The following RASGRF1 variants were observed in gnomAD, a reference collection of about 807,000 sequenced individuals.
RASGRF1 encodes ras-specific guanine nucleotide-releasing factor 1.
Under a neutral mutation model 138.7 loss-of-function variants are expected in RASGRF1, and 40 were observed. The observed-to-expected ratio is 0.29, with a 90% CI of 0.22 to 0.38. The LOEUF is 0.38. RASGRF1 is among the 10% of genes least tolerant of loss of function. RASGRF1 has a pLI of 1.00. For synonymous variants in RASGRF1, 614 were observed against 663.2 expected (o/e 0.93, Z 1.14); for missense variants, 1,108 against 1,650.4 (o/e 0.67, Z 5.69).
intron 4 of RASGRF1, among the ~76,000 whole-genome samples, chr15:79,048,950 C>T (rs556716554): frequency 1.3e-5 from 2 of 152,352 alleles, no homozygotes; most frequent in East Asian, 3.9e-4. Flanking sequence ...TGGTATGTCA[C>T]TACCTGGCCA....
intron 4 of RASGRF1, among the ~76,000 whole-genome samples, chr15:79,048,218 G>C (rs1235725504): frequency 6.6e-6 from 1 of 152,194 alleles, no homozygotes; most frequent in African/African-American, 2.4e-5. Flanking sequence ...CCCAATGCCT[G>C]TGGGGCCCTG....
At chr15:78,999,972 A>G in intron 16 of RASGRF1, 59 bp from the exon 17 acceptor site, 2 of 1,564,820 alleles carry the variant, frequency 1.3e-6, no homozygotes, top group Admixed American at 1.7e-5. Context: ...TCAGGCTGTT[A>G]GAAAACCAGG....
At chr15:79,074,590 G>A (rs1027841128) in intron 1 of RASGRF1, among the ~76,000 whole-genome samples, 3 of 152,170 alleles carry the variant, frequency 2.0e-5, no homozygotes, top group Admixed American at 1.3e-4. Context: ...CCCTTATCGT[G>A]AGCCTCACTA....
chr15:79,089,950 C>T (rs568585586), intron 1 of RASGRF1, among the ~76,000 whole-genome samples: 15 of 152,318 alleles, frequency 9.8e-5, no homozygotes, highest in African/African-American at 2.6e-4. Flanking sequence ...CTCCAGGTGT[C>T]GGCCCCTCTG....
At chr15:78,994,924 ACCTT>A (rs1567472019) in intron 20 of RASGRF1, among the ~76,000 whole-genome samples, 7 of 131,196 alleles carry the variant, frequency 5.3e-5, no homozygotes, top group Admixed American at 7.6e-5. Flanking sequence ...CCCTTCCAGC[ACCTT>A]TTTTTTTTTT....
chr15:78,987,335 A>T (rs1567456035), intron 22 of RASGRF1, among the ~76,000 whole-genome samples: 1 of 3,980 alleles, frequency 2.5e-4, no homozygotes, highest in Admixed American at 8.5e-3. Flanking sequence ...AAGATAATTA[A>T]AAAAAAAAAC....
Position 79,035,164 on chromosome 15 carries a change from C to T in RASGRF1, c.925G>A (p.Ala309Thr). ...LHQIFYQGLK[A>T]RISSWPTLVL... is the part of the protein sequence containing the mutation. ...AGCGTGGGCCAGCTGGAGATGCGGG[C>T]CTTCAGGCCTTGGTAAAAGATCTGA... The change falls in exon 6 of 27, where the codon GCC (alanine) becomes ACC (threonine). Residue 309 changes from alanine to threonine, a missense_variant. Ala to Thr is a moderately conservative substitution (Grantham distance 58). Around this residue, in one of 3 missense-constraint regions of RASGRF1, gnomAD observed 169 missense variants for 344.2 expected, o/e 0.49. Coordinates refer to ENST00000558480, the MANE Select transcript of RASGRF1 (RefSeq NM_001145648.3). The T allele has an allele frequency of 6.2e-7, 1 of 1,613,866 alleles. No homozygotes were observed. The highest frequency in any genetic ancestry group is 8.5e-7 in the Non-Finnish European group (1 of 1,179,874).
rs188640003 is a variant in RASGRF1 at position 79,016,144 on chromosome 15, T to C, written c.1744-735A>G. On this transcript the variant is annotated intron_variant, in intron 12 of 26. Transcript: ENST00000558480. ...GCCCTGGGTCTTCACATTTCTGCCATGAGAGGGTTTCTTCTTGGCATAGCG... is the reference window on the plus strand; with the variant it reads ...GCCCTGGGTCTTCACATTTCTGCCACGAGAGGGTTTCTTCTTGGCATAGCG... Among the ~76,000 whole-genome samples, 724 of 152,292 alleles carry C rather than the reference T, an allele frequency of 4.8e-3. 5 individuals are homozygous for C. The highest frequency in any genetic ancestry group is 0.017 in the African/African-American group (706 of 41,560).
chr15:79,090,105 G>C (rs148811711), intron 1 of RASGRF1, 118 bp downstream of exon 1: 87 of 1,343,438 alleles, frequency 6.5e-5, no homozygotes, highest in Non-Finnish European at 7.1e-5. Context: ...TGCAGAGAGC[G>C]CCTAGGGCGC....
At chr15:79,081,156 G>A (rs1027064557) in intron 1 of RASGRF1, among the ~76,000 whole-genome samples, 1 of 152,218 alleles carries the variant, frequency 6.6e-6, no homozygotes, top group Non-Finnish European at 1.5e-5. Flanking sequence ...TCCCACTGCC[G>A]CCCCAAACCC....
rs904593154 is a variant in RASGRF1, at chr15:79,078,262, C to T, written c.276+11961G>A. Among the ~76,000 whole-genome samples, 7 of 152,234 alleles carry T rather than the reference C, an allele frequency of 4.6e-5. No individual in the cohort carries two copies. The East Asian group carries it at 1.4e-3, about 30-fold the overall frequency. On this transcript the variant is annotated intron_variant, in intron 1 of 26. Transcript: ENST00000558480. ...AGGCCCCCCCGGCCCCACCCAGATC[C>T]TCCAGCTCCCTTTTCCATCTCCTTC... is the stretch of plus-strand genomic sequence containing the variant.
In RASGRF1 at chr15:79,052,721, G is replaced by A. The variant is rs539407850; in HGVS notation, c.532-3133C>T. Reference sequence around the variant, plus strand: ...AACAGGAGTCCAACAGTTGGTATATGTGGGGGAAGGAATTCAAATAGAAGG... The same window carrying A: ...AACAGGAGTCCAACAGTTGGTATATATGGGGGAAGGAATTCAAATAGAAGG... On this transcript the variant is annotated intron_variant, in intron 3 of 26. Transcript: ENST00000558480. Among the ~76,000 whole-genome samples the A allele has an allele frequency of 7.9e-5, 12 of 152,340 alleles. No homozygotes were observed. The South Asian group carries it at 1.9e-3, about 24-fold the overall frequency.
chr15:79,057,405 C>T (rs953561366), intron 3 of RASGRF1, among the ~76,000 whole-genome samples: 6 of 152,260 alleles, frequency 3.9e-5, no homozygotes, highest in African/African-American at 1.2e-4. Context: ...AGAATGACTT[C>T]CCTGGCCTGG....
At chr15:79,000,127 T>A (rs748166989) in intron 16 of RASGRF1, among the ~76,000 whole-genome samples, 3 of 152,104 alleles carry the variant, frequency 2.0e-5, no homozygotes, top group East Asian at 1.9e-4. Flanking sequence ...CTCAGGGCTG[T>A]CCCAGGTTGG....
At position 78,998,788 on chromosome 15, in the gene RASGRF1, A is replaced by G; in HGVS notation, c.2784T>C (p.Phe928=). The change falls in exon 18 of 27, where the codon TTT becomes TTC. Residue 928 remains phenylalanine (F), a synonymous_variant. Transcript: ENST00000558480. ...GATTGGTGGCTGCTCTGCGGATCAC[A>G]AACTCCTTGTCTCCATTCCTCTGGT... ...PPDQRNGDKE[F]VIRRAATNRV... 1 of 1,614,132 alleles carries G rather than the reference A, an allele frequency of 6.2e-7. No individual in the cohort carries two copies. The highest frequency in any genetic ancestry group is 1.1e-5 in the South Asian group (1 of 91,082).
chr15:78,999,669 G>A (rs1260095997), intron 17 of RASGRF1, 74 bp downstream of exon 17: 1 of 1,537,408 alleles, frequency 6.5e-7, no homozygotes, highest in Non-Finnish European at 8.9e-7. Flanking sequence ...AAGTCCCCGG[G>A]ACCATGGCTG....
chr15:78,982,974 G>A (rs940438950), intron 23 of RASGRF1, among the ~76,000 whole-genome samples: 9 of 152,290 alleles, frequency 5.9e-5, no homozygotes, highest in Non-Finnish European at 8.8e-5. Context: ...ACTGCCTGAC[G>A]CTTGCCAGGG....
rs772150765 is a variant in RASGRF1, at chr15:79,004,055, T to C, written c.2196A>G (p.Thr732=). ...GCTTCCGCCGGCGGCTCGGTGACGA[T>C]GTCTTGGTGATGGACAGAGGTGGCG... ...SSPPPLSITK[T]SSPSRRRKLS... Residue 732 remains threonine, a synonymous_variant, in exon 15 of 27, where the codon ACA becomes ACG. Transcript: ENST00000558480. The C allele has an allele frequency of 1.9e-6, 3 of 1,614,050 alleles. No homozygotes were observed. The South Asian group carries it at 3.3e-5, about 18-fold the overall frequency.
chr15:79,001,103 G>C (rs1244544195), intron 16 of RASGRF1, among the ~76,000 whole-genome samples: 2 of 152,214 alleles, frequency 1.3e-5, no homozygotes, highest in Non-Finnish European at 2.9e-5. Context: ...TCAGGATCAG[G>C]AGTCTGGGAC....
Sources: gnomAD v4.1 joint callset for allele counts (sites outside exome capture counted in the v4.1 genomes callset) on GRCh38, gnomAD v4.1.1 for gene constraint, gnomAD v4.1.1 regional missense constraint, MANE v1.5 for transcripts, NCBI Gene and HGNC (gene_info 2026-07-23, HGNC 2026-07-21) for gene names.